The following RRP7A variants were observed in gnomAD, a reference collection of about 807,000 sequenced individuals.
RRP7A encodes ribosomal RNA processing 7 homolog A.
A neutral mutation model predicts 38.4 loss-of-function variants in RRP7A; 27 were observed. The ratio of observed to expected loss-of-function variants is 0.70; its 90% CI spans 0.52 to 0.97. The LOEUF is 0.97. Ranked by LOEUF, RRP7A falls within the 50% of genes least tolerant of loss-of-function variation. RRP7A has a pLI of 0.00. For missense variants in RRP7A, 327 were observed against 375.4 expected, an observed-to-expected ratio of 0.87 and a Z score of 1.07; for synonymous variants, 124 against 150.3, an observed-to-expected ratio of 0.83 and a Z score of 1.28.
In RRP7A at chr22:42,508,454, C is replaced by T. The variant is rs1193959775; in HGVS notation, c.*4456G>A. Among the ~76,000 whole-genome samples, 1 of 152,148 alleles carries T rather than the reference C, an allele frequency of 6.6e-6. No individual in the cohort carries two copies. The highest frequency in any genetic ancestry group is 2.4e-5 in the African/African-American group (1 of 41,404). The stretch of plus-strand genomic sequence containing the variant: ...TTTCCAAATCCAGCTTCGTGTCACA[C>T]CTACAGCACATCTCACTCAAGCTGG... On this transcript the variant is annotated 3_prime_UTR_variant, in exon 7 of 7. Coordinates refer to ENST00000323013, the MANE Select transcript of RRP7A (RefSeq NM_015703.5).
At position 42,519,283 on chromosome 22, in the gene RRP7A, T is replaced by C. The variant is rs868207734; in HGVS notation, c.73+431A>G. On this transcript the variant is annotated intron_variant, in intron 1 of 6. Coordinates refer to ENST00000323013, the MANE Select transcript of RRP7A (RefSeq NM_015703.5). ...GTCCTTAAAAGAACATTCTGGCACG[T>C]GGGTGGAGAACAGAAGCAGGGGCAA... Among the ~76,000 whole-genome samples the C allele has an allele frequency of 7.4e-5, 11 of 149,578 alleles. No individual in the cohort carries two copies. In the South Asian group the frequency reaches 2.1e-3, roughly 29 times the overall value.
Position 42,516,082 on chromosome 22 carries a change from G to A in RRP7A, c.271C>T (p.Gln91Ter). Residue 91 changes from glutamine to a stop codon, truncating the protein, a stop_gained, in exon 3 of 7, where the codon CAG (glutamine) becomes TAG (stop). Transcript: ENST00000323013. LOFTEE classifies it high-confidence loss of function. ...TCGLVQSVELQEKPDLAESPK... is the reference protein window; with the variant it reads ...TCGLVQSVEL ...CTCTCAGCCAGGTCCGGCTTCTCCTGCAACTCTACAGACTGGACGAGGCCA... is the reference window on the plus strand; with the variant it reads ...CTCTCAGCCAGGTCCGGCTTCTCCTACAACTCTACAGACTGGACGAGGCCA... 1 of 1,613,682 alleles carries A rather than the reference G, an allele frequency of 6.2e-7. No homozygotes were observed. The highest frequency in any genetic ancestry group is 8.5e-7 in the Non-Finnish European group (1 of 1,179,786).
intron 2 of RRP7A, among the ~76,000 whole-genome samples, chr22:42,517,086 T>G (rs555043897): frequency 4.1e-4 from 63 of 152,108 alleles, no homozygotes; most frequent in African/African-American, 1.4e-3. Context: ...GAGACCAGCC[T>G]GGCCAACATG....
chr22:42,516,714 C>CTG, intron 2 of RRP7A, among the ~76,000 whole-genome samples: 1 of 152,324 alleles, frequency 6.6e-6, no homozygotes, highest in East Asian at 1.9e-4. Context: ...TGACCCTATG[C>CTG]TATGACAGTT....
Position 42,511,581 on chromosome 22 carries a change from TGC to T in RRP7A, c.*1327_*1328del. On this transcript the variant is annotated 3_prime_UTR_variant, in exon 7 of 7. Transcript: ENST00000323013. ...GCTGGCTGTAGGTGGGGATGGCCTT[TGC>T]CCGGGTTCCTGGGAGCACCTGGTGT... 6.1e-6 allele frequency: 1 copy of T among 164,824 alleles called. No individual in the cohort carries two copies. Among genetic ancestry groups the T allele is most frequent in the Non-Finnish European group, 1.3e-5 (1 of 76,412 alleles). 10.2% of individuals were successfully genotyped at this position (164,824 alleles called of 1,614,324 possible). A position where few individuals can be genotyped will look rare whatever the true frequency, so the allele number is the denominator to read the frequency against.
At chr22:42,515,553 A>G (rs374118263) in intron 3 of RRP7A, among the ~76,000 whole-genome samples, 25 of 152,298 alleles carry the variant, frequency 1.6e-4, no homozygotes, top group East Asian at 5.8e-4. Context: ...GCGGTGAAAC[A>G]CAGGGGTCGC....
intron 2 of RRP7A, among the ~76,000 whole-genome samples, chr22:42,517,367 T>C (rs1436593525): frequency 1.5e-5 from 2 of 133,058 alleles, no homozygotes; most frequent in South Asian, 2.4e-4. Context: ...AAAAAAAAAA[T>C]TAACAGTTGT....
rs1484812543 is a variant in RRP7A, at chr22:42,509,827, G to A, written c.*3083C>T. ...AGGTCATGGTTGCTCAGGACCGGAA[G>A]CCTGTTGGGGGTGGGGGGGTGGGGT... is the stretch of plus-strand genomic sequence containing the variant. On this transcript the variant is annotated 3_prime_UTR_variant, in exon 7 of 7. Transcript: ENST00000323013. 1.5e-5 allele frequency: 2 copies of A among 137,450 alleles called. No homozygotes were observed. Among genetic ancestry groups the A allele is most frequent in the African/African-American group, 5.3e-5 (2 of 37,720 alleles). 8.5% of individuals were successfully genotyped at this position (137,450 alleles called of 1,614,324 possible).
rs965435298 is a variant in RRP7A, at chr22:42,519,317, G to A, written c.73+397C>T. Among the ~76,000 whole-genome samples the A allele has an allele frequency of 4.5e-4, 68 of 151,702 alleles. 1 individual carries two copies. Among genetic ancestry groups the A allele is most frequent in the African/African-American group, 1.6e-3 (66 of 41,366 alleles). Reference sequence around the variant, plus strand: ...AACAGAAGCAGGGGCAAGAGGAGAAGGAGGGCAACCGAGTAGGAGGGCCTA... The same window carrying A: ...AACAGAAGCAGGGGCAAGAGGAGAAAGAGGGCAACCGAGTAGGAGGGCCTA... On this transcript the variant is annotated intron_variant, in intron 1 of 6. Coordinates refer to ENST00000323013, the MANE Select transcript of RRP7A (RefSeq NM_015703.5).
Position 42,514,721 on chromosome 22 carries a change from C to T in RRP7A, c.519G>A (p.Val173=), listed in dbSNP as rs762425205. The change falls in exon 5 of 7, where the codon GTG becomes GTA. Residue 173 remains valine (V), a synonymous_variant. Coordinates refer to ENST00000323013, the MANE Select transcript of RRP7A (RefSeq NM_015703.5). The part of the protein sequence containing the change: ...VPDPEALRVE[V]DTFMEAYDQK... ...GGTCATATGCCTCCATGAACGTGTC[C>T]ACTTCCACCCTCAGGGCCTCAGGGT... 2.5e-6 allele frequency: 4 copies of T among 1,611,800 alleles called. No individual in the cohort carries two copies. The highest frequency in any genetic ancestry group is 2.5e-6 in the Non-Finnish European group (3 of 1,178,634).
In RRP7A at chr22:42,512,447, C is replaced by G. The variant is rs1932496935; in HGVS notation, c.*463G>C. 1 of 603,814 alleles carries G rather than the reference C, an allele frequency of 1.7e-6. No individual in the cohort carries two copies. Among genetic ancestry groups the G allele is most frequent in the Non-Finnish European group, 2.9e-6 (1 of 344,866 alleles). The allele number at this position is 603,814 out of a possible 1,614,324, so 37.4% of individuals were successfully genotyped here. On this transcript the variant is annotated 3_prime_UTR_variant, in exon 7 of 7. Transcript: ENST00000323013. Reference sequence around the variant, plus strand: ...AGACAGAGTCTGGGTTCCAGGGCTGCTGTCTCCTGGCTAATAATCTCCAGC... The same window carrying G: ...AGACAGAGTCTGGGTTCCAGGGCTGGTGTCTCCTGGCTAATAATCTCCAGC...
rs1344596695 is a variant in RRP7A, at chr22:42,513,714, CCCA to C, written c.757+389_757+391del. The stretch of plus-strand genomic sequence containing the variant: ...CCTGACAGACACACACACACACACA[CCCA>C]CCACCAACCCAACACACATACTCTG... On this transcript the variant is annotated intron_variant, in intron 6 of 6. Coordinates refer to ENST00000323013, the MANE Select transcript of RRP7A (RefSeq NM_015703.5). Among the ~76,000 whole-genome samples the C allele has an allele frequency of 2.0e-5, 3 of 149,296 alleles. No homozygotes were observed. The East Asian group carries it at 6.0e-4, about 30-fold the overall frequency.
Position 42,512,385 on chromosome 22 carries a change from C to A in RRP7A, c.*525G>T. 1 of 682,222 alleles carries A rather than the reference C, an allele frequency of 1.5e-6. No individual in the cohort carries two copies. The highest frequency in any genetic ancestry group is 1.8e-5 in the South Asian group (1 of 55,786). The allele number at this position is 682,222 out of a possible 1,614,324, so 42.3% of individuals were successfully genotyped here. A position where few individuals can be genotyped will look rare whatever the true frequency, so the allele number is the denominator to read the frequency against. ...CTAGGATGGTAGTCAGGGGAAGGAG[C>A]GAGATTCCAACTTCAACATCTGTGA... is the stretch of plus-strand genomic sequence containing the variant. On this transcript the variant is annotated 3_prime_UTR_variant, in exon 7 of 7. Transcript: ENST00000323013.
At chr22:42,513,670 AGGGTCCTGTGCGG>A (rs1307543922) in intron 6 of RRP7A, among the ~76,000 whole-genome samples, 1 of 120,938 alleles carries the variant, frequency 8.3e-6, no homozygotes, top group Non-Finnish European at 1.7e-5. Flanking sequence ...CAGGCATGGG[AGGGTCCTGTGCGG>A]GGCCACCTGA....
At chr22:42,515,365 G>A (rs1262321488) in intron 3 of RRP7A, 97 bp from the exon 4 acceptor site, 6 of 752,008 alleles carry the variant, frequency 8.0e-6, no homozygotes, top group South Asian at 4.7e-5. Context: ...CTACACCAGG[G>A]GAGATGGTGC....
At position 42,509,247 on chromosome 22, in the gene RRP7A, G is replaced by A. The variant is rs1932367830; in HGVS notation, c.*3663C>T. The A allele has an allele frequency of 2.7e-6, 4 of 1,504,536 alleles. No individual in the cohort carries two copies. The highest frequency in any genetic ancestry group is 2.7e-6 in the Non-Finnish European group (3 of 1,122,344). The allele number at this position is 1,504,536 out of a possible 1,614,324, so 93.2% of individuals were successfully genotyped here. ...CGCTAAGACTCAAGATCTTTTTTGG[G>A]AAGCCCCCCTGGCAGCAGGGTCATG... On this transcript the variant is annotated 3_prime_UTR_variant, in exon 7 of 7. Transcript: ENST00000323013.
At chr22:42,516,298 T>G in intron 2 of RRP7A, 162 bp from the exon 3 acceptor site, 1 of 905,536 alleles carries the variant, frequency 1.1e-6, no homozygotes, top group Non-Finnish European at 1.7e-6. Context: ...GCCTCCGACC[T>G]GTTCCCCAGG....
At chr22:42,515,865 A>T in intron 3 of RRP7A, 146 bp downstream of exon 3, 4 of 1,065,798 alleles carry the variant, frequency 3.8e-6, no homozygotes, top group South Asian at 1.7e-5. Flanking sequence ...AGGCTTTGTC[A>T]CCCAGACAGT....
rs552172680 is a variant in RRP7A at position 42,511,494 on chromosome 22, C to T, written c.*1416G>A. ...CCAGCCTAGTCTCACTTTATAGGCT[C>T]CCAAACCACAGCAGAACACCTGGCT... On this transcript the variant is annotated 3_prime_UTR_variant, in exon 7 of 7. Transcript: ENST00000323013. 2 of 153,500 alleles carry T rather than the reference C, an allele frequency of 1.3e-5. No individual in the cohort carries two copies. The highest frequency in any genetic ancestry group is 2.0e-4 in the South Asian group (1 of 4,894). 9.5% of individuals were successfully genotyped at this position (153,500 alleles called of 1,614,324 possible). A position where few individuals can be genotyped will look rare whatever the true frequency, so the allele number is the denominator to read the frequency against.
Sources: gnomAD v4.1 joint callset for allele counts (sites outside exome capture counted in the v4.1 genomes callset) on GRCh38, gnomAD v4.1.1 for gene constraint, MANE v1.5 for transcripts, NCBI Gene and HGNC (gene_info 2026-07-23, HGNC 2026-07-21) for gene names.